The following ATP8A2 variants were observed in gnomAD, a reference collection of about 807,000 sequenced individuals.
ATP8A2 encodes ATPase phospholipid transporting 8A2, also known as phospholipid-transporting ATPase IB.
Under a neutral mutation model 165.6 loss-of-function variants are expected in ATP8A2, and 100 were observed. The observed-to-expected ratio is 0.60, with a 90% CI of 0.51 to 0.71. The LOEUF (loss-of-function observed/expected upper bound fraction) is 0.71, where lower values mean the gene tolerates loss of function less well. Ranked by LOEUF, ATP8A2 falls within the 30% of genes least tolerant of loss-of-function variation. The pLI, the probability that ATP8A2 is intolerant of heterozygous loss-of-function variation, is 0.00. For synonymous variants in ATP8A2, 543 were observed against 548.8 expected (o/e 0.99, Z 0.15); for missense variants, 1,227 against 1,479.5 (o/e 0.83, Z 2.80).
intron 1 of ATP8A2, among the ~76,000 whole-genome samples, chr13:25,422,652 G>A (rs1040823229): frequency 1.3e-5 from 2 of 152,142 alleles, no homozygotes; most frequent in Admixed American, 6.5e-5. Flanking sequence ...CTCTTTACAA[G>A]GAAGGATGTT....
In ATP8A2 at chr13:25,837,158, T is replaced by C; in HGVS notation, c.2755-5T>C. The C allele has an allele frequency of 6.2e-7, 1 of 1,613,612 alleles. No individual in the cohort carries two copies. Among genetic ancestry groups the C allele is most frequent in the Non-Finnish European group, 8.5e-7 (1 of 1,179,856 alleles). On this transcript the variant is annotated splice_polypyrimidine_tract_variant and splice_region_variant and intron_variant, in intron 28 of 36. Transcript: ENST00000381655. The stretch of plus-strand genomic sequence containing the variant: ...GCTTTTAATGGCTCATTGTTCTCCC[T>C]GCAGATTTTCACCGCTTTGCCGCCC...
chr13:25,841,083 T>C (rs1355142071), intron 30 of ATP8A2, among the ~76,000 whole-genome samples: 1 of 152,254 alleles, frequency 6.6e-6, no homozygotes, highest in Non-Finnish European at 1.5e-5. Context: ...GTGGAGACGA[T>C]GGTTTTCTAA....
At chr13:25,504,406 A>C (rs1294380013) in intron 2 of ATP8A2, among the ~76,000 whole-genome samples, 5 of 150,800 alleles carry the variant, frequency 3.3e-5, no homozygotes. Context: ...ATAATTTTTA[A>C]AAATCTTTCC....
chr13:25,854,311 T>C (rs527242632), intron 30 of ATP8A2, among the ~76,000 whole-genome samples: 31 of 152,252 alleles, frequency 2.0e-4, no homozygotes, highest in African/African-American at 7.5e-4. Context: ...CTACCCTACA[T>C]CCAAATCATA....
chr13:26,019,097 C>G (rs904063836), intron 36 of ATP8A2, among the ~76,000 whole-genome samples: 20 of 152,216 alleles, frequency 1.3e-4, no homozygotes, highest in Admixed American at 1.2e-3. Flanking sequence ...CCAGATCAGT[C>G]TGATTTAAAA....
At chr13:25,429,371 T>TAAAAAAA (rs751056483) in intron 1 of ATP8A2, among the ~76,000 whole-genome samples, 2 of 126,006 alleles carry the variant, frequency 1.6e-5, no homozygotes, top group African/African-American at 3.6e-5. Flanking sequence ...GACTCCATCT[T>TAAAAAAA]AAAAAAAAAA....
chr13:25,784,883 A>T (rs1737563082), intron 27 of ATP8A2, among the ~76,000 whole-genome samples: 1 of 151,834 alleles, frequency 6.6e-6, no homozygotes, highest in African/African-American at 2.4e-5. Context: ...CTCCTGCCTC[A>T]GCCTCCTGAG....
At chr13:25,881,693 C>T (rs956720005) in intron 33 of ATP8A2, among the ~76,000 whole-genome samples, 1 of 152,152 alleles carries the variant, frequency 6.6e-6, no homozygotes, top group Non-Finnish European at 1.5e-5. Flanking sequence ...CCTGTGGGTA[C>T]TCTTTAGGGA....
chr13:25,768,905 T>G (rs1014469413), intron 25 of ATP8A2, 141 bp from the exon 26 acceptor site: 4 of 795,952 alleles, frequency 5.0e-6, no homozygotes, highest in South Asian at 1.5e-5. Context: ...TCTGAAAGCT[T>G]CTTTGCACAT....
At chr13:25,958,515 T>A (rs772825058) in intron 33 of ATP8A2, among the ~76,000 whole-genome samples, 14 of 152,102 alleles carry the variant, frequency 9.2e-5, no homozygotes, top group Non-Finnish European at 2.1e-4. Context: ...AAACCTCCAA[T>A]CCTGTGTCTG....
chr13:25,420,737 A>G (rs1026913068), intron 1 of ATP8A2, among the ~76,000 whole-genome samples: 9 of 152,224 alleles, frequency 5.9e-5, no homozygotes, highest in African/African-American at 2.2e-4. Flanking sequence ...TCTCATTCGC[A>G]TGGTCACAGA....
At chr13:25,714,447 T>A (rs2137996654) in intron 25 of ATP8A2, among the ~76,000 whole-genome samples, 1 of 152,300 alleles carries the variant, frequency 6.6e-6, no homozygotes, top group Non-Finnish European at 1.5e-5. Flanking sequence ...TTATTTTGCT[T>A]GATAGCATTT....
At position 25,902,101 on chromosome 13, in the gene ATP8A2, G is replaced by A. The variant is rs866001393; in HGVS notation, c.3183+39693G>A. Reference sequence around the variant, plus strand: ...GGCAATCTAGTGGAATAGGGGTATGGGGTTTAAAAAGGACAATGAAAAAGT... The same window carrying A: ...GGCAATCTAGTGGAATAGGGGTATGAGGTTTAAAAAGGACAATGAAAAAGT... On this transcript the variant is annotated intron_variant, in intron 33 of 36. Transcript: ENST00000381655. Among the ~76,000 whole-genome samples, 7 of 152,182 alleles carry A rather than the reference G, an allele frequency of 4.6e-5. No individual in the cohort carries two copies. In the South Asian group the frequency reaches 1.5e-3, roughly 32 times the overall value.
intron 24 of ATP8A2, among the ~76,000 whole-genome samples, chr13:25,696,072 T>G (rs1593210741): frequency 6.6e-6 from 1 of 152,226 alleles, no homozygotes; most frequent in African/African-American, 2.4e-5. Flanking sequence ...TAGATAAACA[T>G]GCATGAAAAC....
chr13:25,545,745 C>T (rs2138019775), intron 10 of ATP8A2, among the ~76,000 whole-genome samples: 1 of 152,290 alleles, frequency 6.6e-6, no homozygotes, highest in Non-Finnish European at 1.5e-5. Flanking sequence ...AGCCATCCTC[C>T]CACCTCAGCC....
At chr13:25,672,247 T>C (rs2042281904) in intron 24 of ATP8A2, among the ~76,000 whole-genome samples, 1 of 152,164 alleles carries the variant, frequency 6.6e-6, no homozygotes. Flanking sequence ...GTTTTTTTCA[T>C]AGAGAGGCAG....
chr13:25,547,441 G>A (rs1284937047), intron 10 of ATP8A2, among the ~76,000 whole-genome samples: 1 of 152,076 alleles, frequency 6.6e-6, no homozygotes, highest in Non-Finnish European at 1.5e-5. Flanking sequence ...GCGCATACAA[G>A]GGATCTAGGT....
At chr13:25,847,375 T>C (rs1951891810) in intron 30 of ATP8A2, among the ~76,000 whole-genome samples, 1 of 152,260 alleles carries the variant, frequency 6.6e-6, no homozygotes, top group South Asian at 2.1e-4. Flanking sequence ...GCTCTGACTT[T>C]AGCTGTTTTC....
intron 2 of ATP8A2, among the ~76,000 whole-genome samples, chr13:25,515,316 T>C (rs571378559): frequency 1.3e-5 from 2 of 152,364 alleles, no homozygotes; most frequent in East Asian, 1.9e-4. Context: ...TAAATCTCTA[T>C]ATGTCACCTA....
Sources: gnomAD v4.1 joint callset for allele counts (sites outside exome capture counted in the v4.1 genomes callset) on GRCh38, gnomAD v4.1.1 for gene constraint, MANE v1.5 for transcripts, NCBI Gene and HGNC (gene_info 2026-07-23, HGNC 2026-07-21) for gene names.